RELN: variants seen among roughly 807,000 people sequenced by gnomAD.
The protein encoded by RELN is reelin.
A neutral mutation model predicts 427.6 loss-of-function variants in RELN; 108 were observed. That is an observed-to-expected ratio of 0.25 (90% CI 0.22 to 0.30). RELN has a LOEUF of 0.30. Ranked by LOEUF, RELN falls within the 10% of genes least tolerant of loss-of-function variation. The probability of loss-of-function intolerance (pLI) is 1.00; values close to 1 mark genes in which losing one functional copy is unlikely to be tolerated. For synonymous variants in RELN, 1,524 were observed against 1,513.4 expected (o/e 1.01, Z -0.16); for missense variants, 3,715 against 4,302.8 (o/e 0.86, Z 3.82).
intron 2 of RELN, among the ~76,000 whole-genome samples, chr7:103,840,107 C>A (rs567744205): frequency 6.6e-6 from 1 of 152,346 alleles, no homozygotes; most frequent in South Asian, 2.1e-4. Context: ...GAAGCCTGCA[C>A]AGCTTGTAGA....
chr7:103,670,361 C>G (rs1833364196), intron 11 of RELN, among the ~76,000 whole-genome samples: 1 of 152,036 alleles, frequency 6.6e-6, no homozygotes, highest in African/African-American at 2.4e-5. Flanking sequence ...AACAAGCACA[C>G]AAGAACGTTT....
chr7:103,598,150 C>T (rs546914253), intron 24 of RELN, among the ~76,000 whole-genome samples: 1 of 152,260 alleles, frequency 6.6e-6, no homozygotes, highest in African/African-American at 2.4e-5. Flanking sequence ...AAAGACTATA[C>T]TGCTACTGAT....
At chr7:103,615,879 T>C (rs149496689) in intron 20 of RELN, among the ~76,000 whole-genome samples, 3 of 152,294 alleles carry the variant, frequency 2.0e-5, no homozygotes, top group African/African-American at 4.8e-5. Flanking sequence ...TTCACTTAAG[T>C]AAATCAGTTT....
chr7:103,922,959 T>G (rs117077415), intron 1 of RELN, among the ~76,000 whole-genome samples: 1 of 152,026 alleles, frequency 6.6e-6, no homozygotes, highest in African/African-American at 2.4e-5. Context: ...CATCAGAGGA[T>G]AGCAAATTGC....
At chr7:103,542,599 TAA>T (rs765429942) in intron 43 of RELN, 130 bp downstream of exon 43, 2 of 876,604 alleles carry the variant, frequency 2.3e-6, no homozygotes, top group Non-Finnish European at 3.7e-6. Flanking sequence ...AAAGCTTTGA[TAA>T]AGAGAGAAGT....
At chr7:103,912,440 T>C (rs1795390772) in intron 2 of RELN, among the ~76,000 whole-genome samples, 1 of 152,122 alleles carries the variant, frequency 6.6e-6, no homozygotes, top group Non-Finnish European at 1.5e-5. Flanking sequence ...CCACTTGGCC[T>C]CCCAAAGTGC....
At chr7:103,918,386 A>T (rs1418447827) in intron 1 of RELN, among the ~76,000 whole-genome samples, 2 of 152,188 alleles carry the variant, frequency 1.3e-5, no homozygotes, top group African/African-American at 4.8e-5. Flanking sequence ...TACTATTATT[A>T]TTTCCAGCAT....
At chr7:103,586,295 G>A (rs183968798) in intron 28 of RELN, among the ~76,000 whole-genome samples, 3 of 152,096 alleles carry the variant, frequency 2.0e-5, no homozygotes, top group Non-Finnish European at 4.4e-5. Context: ...CCTGGGAGGC[G>A]GAGGTTGCAG....
intron 28 of RELN, among the ~76,000 whole-genome samples, chr7:103,585,157 A>G (rs1831241392): frequency 6.6e-6 from 1 of 151,398 alleles, no homozygotes; most frequent in Non-Finnish European, 1.5e-5. Flanking sequence ...GAAGAAAAAT[A>G]AAGACAAAAC....
intron 46 of RELN, among the ~76,000 whole-genome samples, chr7:103,529,829 C>A (rs1829900372): frequency 6.6e-6 from 1 of 152,136 alleles, no homozygotes; most frequent in South Asian, 2.1e-4. Context: ...ATTGAAAAAT[C>A]CAGTAAAGTT....
Position 103,930,561 on chromosome 7 carries a change from G to A in RELN, c.227-13376C>T, listed in dbSNP as rs192284657. On this transcript the variant is annotated intron_variant, in intron 1 of 64. Transcript: ENST00000428762. ...GATCATCACAGCCTCAAACTCCTGG[G>A]CCAAGTGATCTTCCCTCCTCAGCCT... 2.7e-3 allele frequency among the ~76,000 whole-genome samples: 407 copies of A among 152,032 alleles called. 2 individuals are homozygous for A. The highest frequency in any genetic ancestry group is 9.6e-3 in the African/African-American group (400 of 41,472).
chr7:103,873,209 T>C (rs201757255), intron 2 of RELN, among the ~76,000 whole-genome samples: 2 of 141,866 alleles, frequency 1.4e-5, no homozygotes, highest in Non-Finnish European at 3.1e-5. Context: ...CAAAGCAGTG[T>C]GTAGAGGGAA....
intron 3 of RELN, among the ~76,000 whole-genome samples, chr7:103,792,968 T>C (rs1792204624): frequency 6.6e-6 from 1 of 152,140 alleles, no homozygotes; most frequent in African/African-American, 2.4e-5. Flanking sequence ...GCTTGAAACA[T>C]GCAGAGAACA....
At chr7:103,745,501 G>T (rs1790796641) in intron 6 of RELN, among the ~76,000 whole-genome samples, 1 of 145,966 alleles carries the variant, frequency 6.9e-6, no homozygotes, top group Non-Finnish European at 1.5e-5. Context: ...CGACATGATT[G>T]TATATCTATA....
At chr7:103,906,954 T>C (rs1457888453) in intron 2 of RELN, among the ~76,000 whole-genome samples, 1 of 152,076 alleles carries the variant, frequency 6.6e-6, no homozygotes, top group East Asian at 1.9e-4. Flanking sequence ...CCTTAAACTA[T>C]TTTTTCCTAT....
chr7:103,518,345 TTTTTA>T (rs57012200), intron 49 of RELN, among the ~76,000 whole-genome samples: 57,560 of 138,974 alleles, frequency 0.41, 14,869 homozygotes, highest in East Asian at 0.78. Context: ...TTTTTTTTTT[TTTTTA>T]AAGATGCGGT....
chr7:103,500,597 T>C, intron 53 of RELN, 148 bp downstream of exon 53: 1 of 714,278 alleles, frequency 1.4e-6, no homozygotes, highest in Non-Finnish European at 2.4e-6. Flanking sequence ...TTAGGAAACA[T>C]AAGACATTTT....
intron 4 of RELN, among the ~76,000 whole-genome samples, chr7:103,767,403 G>A (rs10240069): frequency 0.05 from 7,584 of 152,194 alleles, 687 homozygotes; most frequent in African/African-American, 0.17. Flanking sequence ...CCTGCCACTC[G>A]TGAGTACTGT....
intron 58 of RELN, 118 bp downstream of exon 58, chr7:103,491,823 GTCTCTCTCTCTC>G (rs60846683): frequency 4.4e-4 from 190 of 429,006 alleles, no homozygotes; most frequent in South Asian, 1.1e-3. Flanking sequence ...GAGCGAAACT[GTCTCTCTCTCTC>G]TCTCTCTCTC....
Sources: gnomAD v4.1 joint callset for allele counts (sites outside exome capture counted in the v4.1 genomes callset) on GRCh38, gnomAD v4.1.1 for gene constraint, MANE v1.5 for transcripts, NCBI Gene and HGNC (gene_info 2026-07-23, HGNC 2026-07-21) for gene names.